Variants in CNTN3 observed in about 807,000 individuals in gnomAD.
The protein encoded by CNTN3 is contactin 3.
A neutral mutation model predicts 119.1 loss-of-function variants in CNTN3; 60 were observed. The ratio of observed to expected loss-of-function variants is 0.50; its 90% CI spans 0.41 to 0.62. The LOEUF (loss-of-function observed/expected upper bound fraction) is 0.62. Ranked by LOEUF, CNTN3 falls within the 20% of genes least tolerant of loss-of-function variation. The pLI is 0.00. For synonymous variants in CNTN3, 450 were observed against 438.7 expected (o/e 1.03, Z -0.32); for missense variants, 1,101 against 1,242.4 (o/e 0.89, Z 1.71).
chr3:74,577,095 C>A (rs1317499208), intron 1 of CNTN3, among the ~76,000 whole-genome samples: 2 of 152,098 alleles, frequency 1.3e-5, no homozygotes, highest in Non-Finnish European at 2.9e-5. Context: ...ATACCTCTCC[C>A]TAGAGAAGAT....
rs566937770 is a variant in CNTN3, at chr3:74,297,385, A to G, written c.2401+572T>C. Among the ~76,000 whole-genome samples the G allele has an allele frequency of 6.3e-3, 301 of 47,616 alleles. 2 individuals are homozygous for G. Among genetic ancestry groups the G allele is most frequent in the African/African-American group, 0.022 (289 of 13,360 alleles). The allele number at this position is 47,616 out of a possible 152,430, so 31.2% of individuals were successfully genotyped here. ...AAGGTGTTAAGGACATGCCCAGAAGAAAAAAAAAACAAAACACGGGTGTAC... is the reference window on the plus strand; with the variant it reads ...AAGGTGTTAAGGACATGCCCAGAAGGAAAAAAAAACAAAACACGGGTGTAC... On this transcript the variant is annotated intron_variant, in intron 18 of 22. Transcript: ENST00000263665.
At chr3:74,515,216 A>G (rs1222125802) in intron 2 of CNTN3, among the ~76,000 whole-genome samples, 1 of 152,074 alleles carries the variant, frequency 6.6e-6, no homozygotes, top group Non-Finnish European at 1.5e-5. Flanking sequence ...GAAACAGAAC[A>G]TAGAAAGTAT....
intron 19 of CNTN3, among the ~76,000 whole-genome samples, chr3:74,286,253 C>T (rs781057027): frequency 2.0e-5 from 3 of 151,990 alleles, no homozygotes; most frequent in Non-Finnish European, 4.4e-5. Flanking sequence ...TACGAGGAAC[C>T]CTGCTAGCAA....
At chr3:74,393,482 A>C (rs1704966006) in intron 5 of CNTN3, among the ~76,000 whole-genome samples, 1 of 152,200 alleles carries the variant, frequency 6.6e-6, no homozygotes, top group South Asian at 2.1e-4. Context: ...GAAGCATGTG[A>C]CCTTCCCTTT....
chr3:74,368,029 G>T (rs143157008), intron 8 of CNTN3, among the ~76,000 whole-genome samples: 1 of 152,122 alleles, frequency 6.6e-6, no homozygotes, highest in East Asian at 1.9e-4. Context: ...GGAACCCAAA[G>T]ACCTTGAAAC....
At chr3:74,357,240 A>G (rs943427639) in intron 11 of CNTN3, among the ~76,000 whole-genome samples, 1 of 150,478 alleles carries the variant, frequency 6.6e-6, no homozygotes, top group Non-Finnish European at 1.5e-5. Context: ...ATTCAAATCT[A>G]TTATACGATT....
intron 1 of CNTN3, among the ~76,000 whole-genome samples, chr3:74,613,527 G>A (rs1705117826): frequency 6.6e-6 from 1 of 152,012 alleles, no homozygotes; most frequent in African/African-American, 2.4e-5. Flanking sequence ...GACACCGTTT[G>A]TTATTAAATA....
chr3:74,453,000 A>G (rs1027072223), intron 4 of CNTN3, among the ~76,000 whole-genome samples: 6 of 151,556 alleles, frequency 4.0e-5, no homozygotes, highest in South Asian at 2.1e-4. Context: ...GTCTCTGCCC[A>G]GCTTTGGTAT....
chr3:74,453,052 C>T (rs1702191965), intron 4 of CNTN3, among the ~76,000 whole-genome samples: 1 of 151,606 alleles, frequency 6.6e-6, no homozygotes, highest in African/African-American at 2.4e-5. Flanking sequence ...GGGAGGTTTC[C>T]CTCTTTTTCT....
At chr3:74,267,204 G>A (rs1701677732) in intron 21 of CNTN3, 62 bp downstream of exon 21, 1 of 985,126 alleles carries the variant, frequency 1.0e-6, no homozygotes, top group Admixed American at 1.8e-5. Context: ...CTTATACCTA[G>A]CTTCTCTTGA....
chr3:74,608,861 A>G (rs1705034357), intron 1 of CNTN3, among the ~76,000 whole-genome samples: 2 of 152,146 alleles, frequency 1.3e-5, no homozygotes. Flanking sequence ...TAATACATTT[A>G]CCCCCTAAAG....
intron 5 of CNTN3, among the ~76,000 whole-genome samples, chr3:74,418,349 T>TTTTTTTTTTTTTC (rs1410959079): frequency 7.1e-6 from 1 of 140,422 alleles, no homozygotes; most frequent in African/African-American, 2.7e-5. Flanking sequence ...TTCCTTTTTT[T>TTTTTTTTTTTTTC]TTTTTTTTTT....
chr3:74,313,945 T>C (rs1305278849), intron 13 of CNTN3, among the ~76,000 whole-genome samples: 3 of 152,152 alleles, frequency 2.0e-5, no homozygotes, highest in Non-Finnish European at 4.4e-5. Context: ...AAAGCAGTTT[T>C]GTGGAGATGG....
chr3:74,442,765 GT>G (rs1309141594), intron 4 of CNTN3, among the ~76,000 whole-genome samples: 1 of 152,162 alleles, frequency 6.6e-6, no homozygotes, highest in Non-Finnish European at 1.5e-5. Flanking sequence ...ACTTCTTTAA[GT>G]TCTTTGCATA....
At chr3:74,494,488 T>C (rs1239275608) in intron 3 of CNTN3, among the ~76,000 whole-genome samples, 2 of 152,098 alleles carry the variant, frequency 1.3e-5, no homozygotes, top group Admixed American at 6.6e-5. Context: ...CTCTTCCAGT[T>C]GACATTTTGC....
intron 13 of CNTN3, among the ~76,000 whole-genome samples, chr3:74,303,090 C>T (rs1702491300): frequency 6.6e-6 from 1 of 152,206 alleles, no homozygotes; most frequent in South Asian, 2.1e-4. Flanking sequence ...ATTACAGTCT[C>T]AGAGTCTATT....
intron 5 of CNTN3, among the ~76,000 whole-genome samples, chr3:74,387,514 G>T (rs1704780514): frequency 6.6e-6 from 1 of 152,180 alleles, no homozygotes; most frequent in South Asian, 2.1e-4. Flanking sequence ...AAATTAATCG[G>T]ACAGAGCTAA....
chr3:74,438,773 T>C (rs1038721643), intron 4 of CNTN3, among the ~76,000 whole-genome samples: 1 of 152,218 alleles, frequency 6.6e-6, no homozygotes, highest in Admixed American at 6.5e-5. Flanking sequence ...AGAAATTTCA[T>C]AAAATAGTTG....
rs1405037012 is a variant in CNTN3 at position 74,294,903 on chromosome 3, A to G, written c.2517+218T>C. The stretch of plus-strand genomic sequence containing the variant: ...CCCACGTGATACGTGATTTCCTTTC[A>G]TATTCTTTTTTTATTCCTTTTCTAC... On this transcript the variant is annotated intron_variant, in intron 19 of 22. Coordinates refer to ENST00000263665, the MANE Select transcript of CNTN3 (RefSeq NM_020872.3). Among the ~76,000 whole-genome samples the G allele has an allele frequency of 2.6e-5, 4 of 152,276 alleles. No homozygotes were observed. The East Asian group carries it at 7.7e-4, about 29-fold the overall frequency.
Sources: gnomAD v4.1 joint callset for allele counts (sites outside exome capture counted in the v4.1 genomes callset) on GRCh38, gnomAD v4.1.1 for gene constraint, MANE v1.5 for transcripts, NCBI Gene and HGNC (gene_info 2026-07-23, HGNC 2026-07-21) for gene names.